The following KPNA1 variants were observed in gnomAD, a reference collection of about 807,000 sequenced individuals.
KPNA1 encodes importin subunit alpha-5.
Under a neutral mutation model 70.5 loss-of-function variants are expected in KPNA1, and 10 were observed. The observed-to-expected ratio is 0.14, with a 90% CI of 0.09 to 0.24. KPNA1 has a LOEUF of 0.24. KPNA1 is among the 10% of genes least tolerant of loss of function. The pLI is 1.00. For synonymous variants in KPNA1, 192 were observed against 221.9 expected, an observed-to-expected ratio of 0.87 and a Z score of 1.20; for missense variants, 397 against 637.9, an observed-to-expected ratio of 0.62 and a Z score of 4.07.
At chr3:122,479,530 C>T (rs1291520630) in intron 2 of KPNA1, among the ~76,000 whole-genome samples, 1 of 152,134 alleles carries the variant, frequency 6.6e-6, no homozygotes, top group Non-Finnish European at 1.5e-5. Context: ...GAGGCCGAGG[C>T]AGGTGGATCA....
chr3:122,496,696 C>A (rs976320972), intron 1 of KPNA1, 126 bp from the exon 2 acceptor site: 3 of 778,862 alleles, frequency 3.9e-6, no homozygotes, highest in Non-Finnish European at 6.1e-6. Flanking sequence ...ATGGCTACTT[C>A]CCCTCCCCCA....
intron 2 of KPNA1, chr3:122,482,891 G>A (rs958707885): frequency 6.6e-6 from 1 of 151,754 alleles, no homozygotes; most frequent in African/African-American, 2.4e-5. Context: ...TGGGGAGGAC[G>A]GGATGGGACG....
At chr3:122,452,757 A>AGGAGAGACGGAGAGAAGGAGAGAT (rs1394588652) in intron 6 of KPNA1, among the ~76,000 whole-genome samples, 2 of 150,638 alleles carry the variant, frequency 1.3e-5, no homozygotes, top group African/African-American at 2.4e-5. Flanking sequence ...GACAGAGGGA[A>AGGAGAGACGGAGAGAAGGAGAGAT]GGAGAGACGG....
chr3:122,450,374 G>A (rs890802932), intron 8 of KPNA1, among the ~76,000 whole-genome samples: 1 of 152,176 alleles, frequency 6.6e-6, no homozygotes, highest in Admixed American at 6.5e-5. Context: ...CTGAGGTCTG[G>A]AGTTCAAGAC....
rs185667709 is a variant in KPNA1 at position 122,467,486 on chromosome 3, A to C, written c.130-57T>G. 2.1e-3 allele frequency: 2,200 copies of C among 1,060,990 alleles called. 29 individuals carry two copies. The highest frequency in any genetic ancestry group is 5.0e-4 in the East Asian group (20 of 39,798). The allele number at this position is 1,060,990 out of a possible 1,614,324, so 65.7% of individuals were successfully genotyped here. ...TGTAAATTCTAACACAAGGGAGTTCAACATTCAAATACTAGGCACCCCATT... is the reference window on the plus strand; with the variant it reads ...TGTAAATTCTAACACAAGGGAGTTCCACATTCAAATACTAGGCACCCCATT... On this transcript the variant is annotated intron_variant, in intron 2 of 13. Transcript: ENST00000344337.
At chr3:122,451,398 C>T (rs1447205942) in intron 8 of KPNA1, 136 bp downstream of exon 8, 2 of 555,542 alleles carry the variant, frequency 3.6e-6, no homozygotes, top group Non-Finnish European at 6.2e-6. Context: ...AACAACAACC[C>T]TGTTTCTCCA....
chr3:122,478,422 G>A (rs1295590739), intron 2 of KPNA1, among the ~76,000 whole-genome samples: 2 of 152,026 alleles, frequency 1.3e-5, no homozygotes, highest in Non-Finnish European at 2.9e-5. Context: ...AGGAGTTCAA[G>A]ACCAGCCTGA....
chr3:122,474,443 C>T (rs573058875), intron 2 of KPNA1, among the ~76,000 whole-genome samples: 4 of 152,174 alleles, frequency 2.6e-5, no homozygotes, highest in South Asian at 4.1e-4. Flanking sequence ...CAAGATTTAT[C>T]GTAAGCAAGA....
intron 2 of KPNA1, 74 bp from the exon 3 acceptor site, chr3:122,467,503 C>A: frequency 1.2e-6 from 1 of 807,116 alleles, no homozygotes; most frequent in Non-Finnish European, 2.0e-6. Flanking sequence ...AAATACTAGG[C>A]ACCCCATTCA....
At chr3:122,508,781 C>T (rs2076919616) in intron 1 of KPNA1, among the ~76,000 whole-genome samples, 1 of 152,168 alleles carries the variant, frequency 6.6e-6, no homozygotes, top group African/African-American at 2.4e-5. Flanking sequence ...GCTTCCAATT[C>T]AGTTTTTGGC....
chr3:122,508,829 A>C (rs1007859784), intron 1 of KPNA1, among the ~76,000 whole-genome samples: 3 of 152,248 alleles, frequency 2.0e-5, no homozygotes, highest in Non-Finnish European at 2.9e-5. Context: ...CCACAAGACT[A>C]CCAGACATCT....
At chr3:122,437,712 G>C (rs1012719157) in intron 10 of KPNA1, among the ~76,000 whole-genome samples, 1 of 152,130 alleles carries the variant, frequency 6.6e-6, no homozygotes, top group East Asian at 1.9e-4. Context: ...AGGTATATTA[G>C]ATGCTTTATA....
chr3:122,437,134 A>G, intron 11 of KPNA1, 36 bp downstream of exon 11: 1 of 1,589,362 alleles, frequency 6.3e-7, no homozygotes. Context: ...TTTTCAATAA[A>G]AATACTGAAA....
At chr3:122,489,362 T>C (rs1391994312) in intron 2 of KPNA1, among the ~76,000 whole-genome samples, 1 of 151,878 alleles carries the variant, frequency 6.6e-6, no homozygotes, top group Non-Finnish European at 1.5e-5. Context: ...CAGTCATAGC[T>C]CAATGAAGCC....
chr3:122,512,584 T>G (rs2076967228), intron 1 of KPNA1, among the ~76,000 whole-genome samples: 1 of 151,980 alleles, frequency 6.6e-6, no homozygotes, highest in Non-Finnish European at 1.5e-5. Context: ...ATTAGCCGAG[T>G]GTGGCCTCAT....
chr3:122,441,237 C>T (rs1229773638), intron 10 of KPNA1, among the ~76,000 whole-genome samples: 5 of 152,204 alleles, frequency 3.3e-5, no homozygotes, highest in East Asian at 3.8e-4. Context: ...CATCACAACA[C>T]AGCTGAGATT....
chr3:122,474,950 ACAAGGATGCCCACTC>A (rs1476364710), intron 2 of KPNA1, among the ~76,000 whole-genome samples: 1 of 152,216 alleles, frequency 6.6e-6, no homozygotes, highest in Non-Finnish European at 1.5e-5. Flanking sequence ...CAGAAACAAG[ACAAGGATGCCCACTC>A]TTGCCATCTT....
intron 9 of KPNA1, chr3:122,443,075 A>T (rs1047340545): frequency 1.8e-4 from 27 of 152,278 alleles, no homozygotes; most frequent in African/African-American, 5.5e-4. Flanking sequence ...CAGACTGTAC[A>T]TGGAAAATCA....
chr3:122,422,438 G>T lies in KPNA1; in HGVS notation c.*4547C>A, dbSNP rs1234166546. On this transcript the variant is annotated 3_prime_UTR_variant, in exon 14 of 14. Coordinates refer to ENST00000344337, the MANE Select transcript of KPNA1 (RefSeq NM_002264.4). ...GAGGAAAGATGTTTGGCCTGAGAGG[G>T]CCTACACTCCAGTCTGTGTAACCTA... The T allele has an allele frequency of 6.6e-6, 1 of 152,022 alleles. No individual in the cohort carries two copies. Among genetic ancestry groups the T allele is most frequent in the African/African-American group, 2.4e-5 (1 of 41,396 alleles). The allele number at this position is 152,022 out of a possible 1,614,324, so 9.4% of individuals were successfully genotyped here. A position where few individuals can be genotyped will look rare whatever the true frequency, so the allele number is the denominator to read the frequency against.
Sources: allele counts gnomAD v4.1 joint callset (sites outside exome capture counted in the v4.1 genomes callset), GRCh38; gene constraint gnomAD v4.1.1; transcripts MANE v1.5; gene names NCBI Gene and HGNC (gene_info 2026-07-23, HGNC 2026-07-21).